TNRC6B: variants seen among roughly 807,000 people sequenced by gnomAD.
TNRC6B encodes the protein trinucleotide repeat containing adaptor 6B.
A neutral mutation model predicts 203.6 loss-of-function variants in TNRC6B; 52 were observed. That is an observed-to-expected ratio of 0.26 (90% confidence interval 0.20 to 0.32). TNRC6B has a LOEUF of 0.32. TNRC6B is among the 10% of genes least tolerant of loss of function. The pLI, the probability that TNRC6B is intolerant of heterozygous loss-of-function variation, is 1.00. For synonymous variants in TNRC6B, 838 were observed against 845.7 expected (o/e 0.99, Z 0.16); for missense variants, 1,923 against 2,286.2 (o/e 0.84, Z 3.24).
Position 40,266,070 on chromosome 22 carries a change from G to C in TNRC6B, c.1840G>C (p.Asp614His). The change falls in exon 5 of 23, where the codon GAC (aspartate) becomes CAC (histidine). Residue 614 changes from aspartate (D) to histidine (H), a missense_variant. Coordinates refer to ENST00000454349, the MANE Select transcript of TNRC6B (RefSeq NM_001162501.2). ...GACTCTTTTGAGCCGAACTGATTTG[G>C]ACCCCAGGGTGCTCTCAAACACTGG... ...LQTLLSRTDL[D>H]PRVLSNTGWG... 1 of 1,613,694 alleles carries C rather than the reference G, an allele frequency of 6.2e-7. No homozygotes were observed. Among genetic ancestry groups the C allele is most frequent in the Non-Finnish European group, 8.5e-7 (1 of 1,179,908 alleles).
intron 2 of TNRC6B, among the ~76,000 whole-genome samples, chr22:40,125,413 G>T (rs571101518): frequency 6.6e-6 from 1 of 152,138 alleles, no homozygotes; most frequent in African/African-American, 2.4e-5. Flanking sequence ...CAGGTGCGCC[G>T]CTTTGCTCAC....
upstream of TNRC6B, chr22:40,177,908 A>G: frequency 1.5e-6 from 2 of 1,343,482 alleles, no homozygotes; most frequent in East Asian, 2.8e-5. Flanking sequence ...TGAAGGTCAC[A>G]AAAAGCTGCT....
chr22:40,120,052 T>G (rs73428273), intron 2 of TNRC6B, among the ~76,000 whole-genome samples: 8,620 of 152,158 alleles, frequency 0.057, 755 homozygotes, highest in African/African-American at 0.19. Flanking sequence ...TCAGGAAAGA[T>G]TTTTAGAAAT....
intron 1 of TNRC6B, among the ~76,000 whole-genome samples, chr22:40,074,533 C>T (rs2067988174): frequency 6.6e-6 from 1 of 152,076 alleles, no homozygotes; most frequent in Non-Finnish European, 1.5e-5. Context: ...AATCCCTGCA[C>T]TTTGGGAGGC....
In TNRC6B at chr22:40,264,743, G is replaced by A. The variant is rs770714168; in HGVS notation, c.513G>A (p.Ser171=). ...ATTATGCAAATTCCACTTGGGGCTCGGGAGCCTCCTCCAACAACGGCACCT... is the reference window on the plus strand; with the variant it reads ...ATTATGCAAATTCCACTTGGGGCTCAGGAGCCTCCTCCAACAACGGCACCT... ...ASNYANSTWG[S]GASSNNGTSP... Residue 171 remains serine (S), a synonymous_variant, in exon 5 of 23, where the codon TCG becomes TCA. Transcript: ENST00000454349. 13 of 1,610,266 alleles carry A rather than the reference G, an allele frequency of 8.1e-6. No homozygotes were observed. The highest frequency in any genetic ancestry group is 4.0e-5 in the African/African-American group (3 of 74,740).
intron 21 of TNRC6B, 55 bp downstream of exon 21, chr22:40,316,067 G>A (rs779373650): frequency 4.6e-5 from 70 of 1,535,170 alleles, no homozygotes; most frequent in Non-Finnish European, 5.8e-5. Context: ...TTAAGAGAGA[G>A]GGAAAGGTTG....
At chr22:40,202,238 T>G (rs1057226633) in intron 1 of TNRC6B, among the ~76,000 whole-genome samples, 3 of 115,532 alleles carry the variant, frequency 2.6e-5, no homozygotes, top group African/African-American at 1.5e-4. Context: ...TCTAAATGTG[T>G]ATGTGTTGTT....
upstream of TNRC6B, among the ~76,000 whole-genome samples, chr22:40,174,997 A>T (rs1027946874): frequency 2.0e-5 from 3 of 152,176 alleles, no homozygotes; most frequent in Non-Finnish European, 2.9e-5. Flanking sequence ...TGTTTTAGAT[A>T]AACGATTAGA....
Position 40,332,703 on chromosome 22 carries a change from A to C in TNRC6B, c.*9462A>C, listed in dbSNP as rs183830355. 6.5e-6 allele frequency: 1 copy of C among 152,698 alleles called. No individual in the cohort carries two copies. The highest frequency in any genetic ancestry group is 2.4e-5 in the African/African-American group (1 of 41,558). 9.5% of individuals were successfully genotyped at this position (152,698 alleles called of 1,614,324 possible). A position where few individuals can be genotyped will look rare whatever the true frequency, so the allele number is the denominator to read the frequency against. On this transcript the variant is annotated 3_prime_UTR_variant, in exon 23 of 23. Transcript: ENST00000454349. Reference sequence around the variant, plus strand: ...CAAAAAAATAAAATCCTGACGTTTCAACTGTCTCACACAAAATAATACCTC... The same window carrying C: ...CAAAAAAATAAAATCCTGACGTTTCCACTGTCTCACACAAAATAATACCTC...
intron 3 of TNRC6B, among the ~76,000 whole-genome samples, chr22:40,260,564 C>G (rs2070364940): frequency 6.6e-6 from 1 of 152,048 alleles, no homozygotes; most frequent in Admixed American, 6.6e-5. Flanking sequence ...ATGATGTGTT[C>G]CAGGAGCACT....
chr22:40,245,912 G>A lies in TNRC6B; in HGVS notation c.6-103G>A, dbSNP rs1601916538. The A allele has an allele frequency of 3.3e-5, 24 of 735,956 alleles. No homozygotes were observed. The East Asian group carries it at 5.7e-4, about 18-fold the overall frequency. The allele number at this position is 735,956 out of a possible 1,614,324, so 45.6% of individuals were successfully genotyped here. A position where few individuals can be genotyped will look rare whatever the true frequency, so the allele number is the denominator to read the frequency against. On this transcript the variant is annotated intron_variant, in intron 1 of 22. Coordinates refer to ENST00000454349, the MANE Select transcript of TNRC6B (RefSeq NM_001162501.2). The stretch of plus-strand genomic sequence containing the variant: ...ATACTGTGTTCTATTCAGTCACAGA[G>A]ATGAAATGTCGTCTTGCCCACCACT...
chr22:40,312,496 T>G lies in TNRC6B; in HGVS notation c.4436-9T>G. ...CTTCCTTCTCTAATATTTGTTTTCC[T>G]TGTCTCAGAATTCCAACCAGGAGTG... On this transcript the variant is annotated splice_polypyrimidine_tract_variant and intron_variant, in intron 17 of 22. Coordinates refer to ENST00000454349, the MANE Select transcript of TNRC6B (RefSeq NM_001162501.2). 1 of 1,600,926 alleles carries G rather than the reference T, an allele frequency of 6.2e-7. No individual in the cohort carries two copies. Among genetic ancestry groups the G allele is most frequent in the Admixed American group, 1.8e-5 (1 of 56,094 alleles).
chr22:40,150,153 A>G (rs983096553), intron 3 of TNRC6B, among the ~76,000 whole-genome samples: 5 of 152,144 alleles, frequency 3.3e-5, no homozygotes, highest in South Asian at 2.1e-4. Flanking sequence ...CAAGGCGGGC[A>G]GATCACGAGG....
chr22:40,301,507 C>T (rs1343946002), intron 15 of TNRC6B, 174 bp downstream of exon 15: 7 of 671,166 alleles, frequency 1.0e-5, no homozygotes, highest in Non-Finnish European at 1.2e-5. Flanking sequence ...CAGTGGGTTT[C>T]CAGAGCTCAC....
In TNRC6B at chr22:40,301,156, C is replaced by G; in HGVS notation, c.3943C>G (p.Arg1315Gly). The change falls in exon 15 of 23, where the codon CGA (arginine) becomes GGA (glycine). Residue 1315 changes from arginine to glycine, a missense_variant. Arg to Gly is a moderately radical substitution (Grantham distance 125). Around this residue, in one of 8 missense-constraint regions of TNRC6B, gnomAD observed 242 missense variants for 399.5 expected, o/e 0.61. Coordinates refer to ENST00000454349, the MANE Select transcript of TNRC6B (RefSeq NM_001162501.2). ...VRQQQEQQLA[R>G]MVSALQQQQQ... ...TGTCTCTCTTGGCCCTCAGCTGGCT[C>G]GAATGGTGAGTGCACTGCAGCAGCA... The G allele has an allele frequency of 6.5e-7, 1 of 1,550,264 alleles. No individual in the cohort carries two copies.
intron 2 of TNRC6B, among the ~76,000 whole-genome samples, chr22:40,118,025 T>G (rs564062513): frequency 6.6e-6 from 1 of 152,240 alleles, no homozygotes; most frequent in Admixed American, 6.5e-5. Flanking sequence ...AAACAAATTT[T>G]GAAAGCAAAA....
chr22:40,145,774 A>G (rs1344517830), intron 3 of TNRC6B, among the ~76,000 whole-genome samples: 1 of 152,086 alleles, frequency 6.6e-6, no homozygotes, highest in Non-Finnish European at 1.5e-5. Context: ...CCCAGGAGGC[A>G]GAGGTTGCAG....
intron 1 of TNRC6B, among the ~76,000 whole-genome samples, chr22:40,107,469 C>G (rs534016357): frequency 2.6e-5 from 4 of 152,256 alleles, no homozygotes; most frequent in South Asian, 4.1e-4. Context: ...TAAAAATGAT[C>G]TGTCCCGTCT....
In TNRC6B at chr22:40,324,362, C is replaced by T. The variant is rs1339698901; in HGVS notation, c.*1121C>T. 1 of 151,574 alleles carries T rather than the reference C, an allele frequency of 6.6e-6. No individual in the cohort carries two copies. The highest frequency in any genetic ancestry group is 2.4e-5 in the African/African-American group (1 of 41,024). 9.4% of individuals were successfully genotyped at this position (151,574 alleles called of 1,614,324 possible). On this transcript the variant is annotated 3_prime_UTR_variant, in exon 23 of 23. Transcript: ENST00000454349. The stretch of plus-strand genomic sequence containing the variant: ...CTGTTAAGTTTCATGCAGGCCTTTT[C>T]GTTAGTTTGAAATGGGAACGGAAGA...
Sources: allele counts gnomAD v4.1 joint callset (sites outside exome capture counted in the v4.1 genomes callset), GRCh38; gene constraint gnomAD v4.1.1; regional missense constraint gnomAD v4.1.1; transcripts MANE v1.5; gene names NCBI Gene and HGNC (gene_info 2026-07-23, HGNC 2026-07-21).